The following PRKCH variants were observed in gnomAD, a reference collection of about 807,000 sequenced individuals.
PRKCH encodes protein kinase C eta type.
In PRKCH, 28 loss-of-function variants were observed where a neutral mutation model predicts 82.5. That is an observed-to-expected ratio of 0.34 (90% CI 0.25 to 0.47). The LOEUF (loss-of-function observed/expected upper bound fraction) is 0.47, where lower values mean the gene tolerates loss of function less well. PRKCH is among the 20% of genes least tolerant of loss of function. The pLI is 1.00. For synonymous variants in PRKCH, 322 were observed against 327.4 expected (o/e 0.98, Z 0.18); for missense variants, 705 against 881.8 (o/e 0.80, Z 2.54).
At chr14:61,517,709 ATCTG>A (rs1460279832) in intron 10 of PRKCH, among the ~76,000 whole-genome samples, 2 of 152,254 alleles carry the variant, frequency 1.3e-5, no homozygotes, top group African/African-American at 4.8e-5. Context: ...AGCAGGACCC[ATCTG>A]TCCTTGCCCA....
chr14:61,446,034 T>A lies in PRKCH; in HGVS notation c.613+308T>A, dbSNP rs976766836. On this transcript the variant is annotated intron_variant, in intron 4 of 13. Coordinates refer to ENST00000332981, the MANE Select transcript of PRKCH (RefSeq NM_006255.5). ...GTGATTTTGTGAGCATACTCTTAAA[T>A]TTTGAAGATAAACTTTTGTTTTTTA... Among the ~76,000 whole-genome samples the A allele has an allele frequency of 1.9e-4, 29 of 152,334 alleles. 3 individuals carry two copies. The highest frequency in any genetic ancestry group is 9.6e-4 in the East Asian group (5 of 5,188).
chr14:61,520,446 A>G (rs1399396665), intron 10 of PRKCH, among the ~76,000 whole-genome samples: 1 of 152,228 alleles, frequency 6.6e-6, no homozygotes, highest in East Asian at 1.9e-4. Flanking sequence ...AAGATTGATA[A>G]CTGGACTATA....
intron 10 of PRKCH, among the ~76,000 whole-genome samples, chr14:61,507,987 A>G (rs1176294325): frequency 6.6e-6 from 1 of 152,130 alleles, no homozygotes; most frequent in Non-Finnish European, 1.5e-5. Flanking sequence ...GATTATGTAC[A>G]GGTTTATTGC....
At chr14:61,395,167 T>C (rs1346494540) in intron 2 of PRKCH, among the ~76,000 whole-genome samples, 1 of 152,204 alleles carries the variant, frequency 6.6e-6, no homozygotes, top group Non-Finnish European at 1.5e-5. Context: ...CTTTTTCATT[T>C]TGGCTCCTAG....
chr14:61,210,014 G>A, intron 1 of PRKCH, among the ~76,000 whole-genome samples: 1 of 150,754 alleles, frequency 6.6e-6, no homozygotes, highest in Non-Finnish European at 1.5e-5. Flanking sequence ...CGAGGAGGGT[G>A]GATCACGAGG....
intron 1 of PRKCH, among the ~76,000 whole-genome samples, chr14:61,265,808 C>T (rs750335489): frequency 2.5e-4 from 38 of 152,024 alleles, no homozygotes; most frequent in Non-Finnish European, 4.9e-4. Context: ...CAAATAAGAG[C>T]CCCCAGCTGG....
At chr14:61,224,241 T>G (rs529426232) in intron 1 of PRKCH, among the ~76,000 whole-genome samples, 20 of 152,348 alleles carry the variant, frequency 1.3e-4, no homozygotes, top group South Asian at 1.0e-3. Flanking sequence ...TTTTTAGATT[T>G]ACAGAAACAC....
chr14:61,465,518 ATAAT>A (rs1250211074), intron 9 of PRKCH, among the ~76,000 whole-genome samples: 2 of 152,098 alleles, frequency 1.3e-5, no homozygotes, highest in Admixed American at 1.3e-4. Context: ...ATCTTTGTTG[ATAAT>A]TAATTGATTG....
rs1190147630 is a variant in PRKCH, at chr14:61,280,554, C to T, written c.-19+92886C>T. 2 of 1,610,332 alleles carry T rather than the reference C, an allele frequency of 1.2e-6. No homozygotes were observed. The highest frequency in any genetic ancestry group is 2.2e-5 in the South Asian group (2 of 90,802). On this transcript the variant is annotated intron_variant, in intron 1 of 3. Coordinates refer to the PRKCH transcript ENST00000555185. This position sits in a 1 kb window ranked among gnomAD's most constrained non-coding sequence, Gnocchi z 5.0. Reference sequence around the variant, plus strand: ...GGAACTTGACGTGGTAGTCGGTCCACCAGGCGATGCCGGAGCGGTCGAGCG... The same window carrying T: ...GGAACTTGACGTGGTAGTCGGTCCATCAGGCGATGCCGGAGCGGTCGAGCG...
intron 10 of PRKCH, among the ~76,000 whole-genome samples, chr14:61,497,955 G>A (rs1168332735): frequency 6.6e-6 from 1 of 151,946 alleles, no homozygotes; most frequent in Admixed American, 6.6e-5. Context: ...CTTTTTGATG[G>A]TTTTCAAATG....
chr14:61,451,483 G>T (rs1011466354), intron 6 of PRKCH, among the ~76,000 whole-genome samples: 14 of 152,190 alleles, frequency 9.2e-5, no homozygotes, highest in African/African-American at 3.1e-4. Flanking sequence ...AGCATAAAAA[G>T]AGCTGCCCTG....
At chr14:61,477,927 G>A (rs1885801037) in intron 9 of PRKCH, among the ~76,000 whole-genome samples, 1 of 152,124 alleles carries the variant, frequency 6.6e-6, no homozygotes, top group Non-Finnish European at 1.5e-5. Flanking sequence ...CTGTCCACTT[G>A]TGAGTGTGTG....
intron 1 of PRKCH, among the ~76,000 whole-genome samples, chr14:61,260,641 A>G (rs2098305893): frequency 1.3e-5 from 2 of 152,236 alleles, no homozygotes; most frequent in South Asian, 4.1e-4. Flanking sequence ...ATCTGTAAGA[A>G]CAAAAGGATG....
At chr14:61,478,581 G>GGT in intron 9 of PRKCH, among the ~76,000 whole-genome samples, 1 of 152,084 alleles carries the variant, frequency 6.6e-6, no homozygotes, top group Non-Finnish European at 1.5e-5. Flanking sequence ...CTTAAAAATG[G>GGT]GTGTGTGTGC....
At chr14:61,321,321 C>G (rs1344601460), upstream of PRKCH, among the ~76,000 whole-genome samples, 1 of 152,186 alleles carries the variant, frequency 6.6e-6, no homozygotes, top group African/African-American at 2.4e-5. The surrounding 1 kb of genome is among the most constrained non-coding windows in gnomAD (Gnocchi z 4.1). Context: ...CCATCGCTCC[C>G]CAGGTCAGTC....
upstream of PRKCH, chr14:61,187,551 T>G (rs2044372636): frequency 6.6e-6 from 1 of 152,504 alleles, no homozygotes; most frequent in East Asian, 1.9e-4. Context: ...GCTGCGAGCT[T>G]CCTCTTCAGA....
upstream of PRKCH, among the ~76,000 whole-genome samples, chr14:61,318,384 T>G (rs969287465): frequency 1.3e-4 from 17 of 128,022 alleles, no homozygotes; most frequent in Middle Eastern, 8.3e-3. Context: ...TTTTTTTTTT[T>G]GTAGAGATGA....
chr14:61,197,059 C>T (rs934627585), intron 1 of PRKCH, among the ~76,000 whole-genome samples: 1 of 152,148 alleles, frequency 6.6e-6, no homozygotes, highest in Admixed American at 6.5e-5. Context: ...AGCCGTCTCA[C>T]TTCTGACTTT....
At chr14:61,251,742 G>A (rs866199886) in intron 1 of PRKCH, among the ~76,000 whole-genome samples, 2 of 152,166 alleles carry the variant, frequency 1.3e-5, no homozygotes, top group Admixed American at 1.3e-4. Flanking sequence ...CTGGACCATA[G>A]GGTAGCTCTA....
Sources: gnomAD v4.1 joint callset for allele counts (sites outside exome capture counted in the v4.1 genomes callset) on GRCh38, gnomAD v4.1.1 for gene constraint, Gnocchi (gnomAD v3.1) non-coding constraint, MANE v1.5 for transcripts, NCBI Gene and HGNC (gene_info 2026-07-23, HGNC 2026-07-21) for gene names.